Variants in MICU1 observed in about 807,000 individuals in gnomAD.
MICU1 encodes the protein calcium uptake protein 1, mitochondrial.
A neutral mutation model predicts 56.8 loss-of-function variants in MICU1; 45 were observed. The ratio of observed to expected loss-of-function variants is 0.79; its 90% CI spans 0.62 to 1.02. The LOEUF is 1.02. Ranked by LOEUF, MICU1 falls within the 50% of genes least tolerant of loss-of-function variation. The probability of loss-of-function intolerance (pLI) is 0.00; values close to 1 mark genes in which losing one functional copy is unlikely to be tolerated. For missense variants in MICU1, 504 were observed against 587.1 expected (o/e 0.86, Z 1.46); for synonymous variants, 186 against 195.1 (o/e 0.95, Z 0.39).
intron 1 of MICU1, among the ~76,000 whole-genome samples, chr10:72,610,188 G>T (rs910359754): frequency 2.0e-5 from 3 of 149,688 alleles, no homozygotes; most frequent in African/African-American, 7.4e-5. Flanking sequence ...TTGAGTCCAG[G>T]AGTTTGAGGC....
intron 5 of MICU1, among the ~76,000 whole-genome samples, chr10:72,519,682 A>C (rs1867759465): frequency 6.6e-6 from 1 of 152,202 alleles, no homozygotes; most frequent in Admixed American, 6.5e-5. Flanking sequence ...TCAAACAGTA[A>C]ATCCTAACTA....
chr10:72,585,965 T>A lies in MICU1; in HGVS notation c.-1-19171A>T, dbSNP rs181651671. ...TAGTTATTATACATTGTATTTTTAA[T>A]TTGTATAACTTTTCATTGTATTGTT... is the stretch of plus-strand genomic sequence containing the variant. On this transcript the variant is annotated intron_variant, in intron 1 of 11. Transcript: ENST00000361114. Among the ~76,000 whole-genome samples, 806 of 151,658 alleles carry A rather than the reference T, an allele frequency of 5.3e-3. 7 individuals are homozygous for A. The highest frequency in any genetic ancestry group is 0.019 in the African/African-American group (767 of 41,418).
chr10:72,450,772 TG>T (rs1353998013), intron 8 of MICU1, among the ~76,000 whole-genome samples: 5 of 150,310 alleles, frequency 3.3e-5, no homozygotes, highest in Non-Finnish European at 5.9e-5. Flanking sequence ...TCATCCAGGC[TG>T]GAGTGCAATG....
At chr10:72,489,990 T>A (rs554585146) in intron 6 of MICU1, among the ~76,000 whole-genome samples, 1 of 152,336 alleles carries the variant, frequency 6.6e-6, no homozygotes, top group South Asian at 2.1e-4. Flanking sequence ...CAGACAGTTT[T>A]GGAAGTTGAA....
chr10:72,569,624 G>A lies in MICU1; in HGVS notation c.-1-2830C>T, dbSNP rs555974574. Among the ~76,000 whole-genome samples the A allele has an allele frequency of 2.0e-5, 3 of 152,234 alleles. No homozygotes were observed. The South Asian group carries it at 6.2e-4, about 32-fold the overall frequency. On this transcript the variant is annotated intron_variant, in intron 1 of 11. Transcript: ENST00000361114. ...GATAAAGTTGAGACTGGGTTAGTCAGCAAAAGCTTTTGTTTAGTCTTAAGC... is the reference window on the plus strand; with the variant it reads ...GATAAAGTTGAGACTGGGTTAGTCAACAAAAGCTTTTGTTTAGTCTTAAGC...
At chr10:72,599,688 TCTTC>T (rs1333672637) in intron 1 of MICU1, among the ~76,000 whole-genome samples, 1 of 152,144 alleles carries the variant, frequency 6.6e-6, no homozygotes, top group African/African-American at 2.4e-5. Context: ...CTCCCTTCTT[TCTTC>T]CTTCCTTACT....
At chr10:72,399,094 C>T (rs986852177) in intron 10 of MICU1, among the ~76,000 whole-genome samples, 1 of 152,168 alleles carries the variant, frequency 6.6e-6, no homozygotes, top group Non-Finnish European at 1.5e-5. Flanking sequence ...GCTTATCCAC[C>T]ATGATCAAGT....
intron 8 of MICU1, among the ~76,000 whole-genome samples, chr10:72,442,088 A>T (rs1864954911): frequency 6.6e-6 from 1 of 152,212 alleles, no homozygotes; most frequent in South Asian, 2.1e-4. Flanking sequence ...AGTGGGCTCC[A>T]GCATGAAGCA....
chr10:72,607,637 C>CAA (rs368820136), intron 1 of MICU1, among the ~76,000 whole-genome samples: 22 of 59,886 alleles, frequency 3.7e-4, no homozygotes, highest in African/African-American at 7.9e-4. Flanking sequence ...AACTCCATCT[C>CAA]AAAAAAAAAA....
At chr10:72,373,582 T>A (rs967508801) in intron 11 of MICU1, among the ~76,000 whole-genome samples, 1 of 152,212 alleles carries the variant, frequency 6.6e-6, no homozygotes, top group Non-Finnish European at 1.5e-5. Context: ...TCAGAGATGT[T>A]AAATAATTTT....
chr10:72,589,508 CTTTA>C (rs1414307147), intron 1 of MICU1, among the ~76,000 whole-genome samples: 1 of 151,812 alleles, frequency 6.6e-6, no homozygotes. Context: ...TACCAATATG[CTTTA>C]TTTGTTATGG....
At chr10:72,497,473 G>C (rs1328102167) in intron 6 of MICU1, among the ~76,000 whole-genome samples, 3 of 152,202 alleles carry the variant, frequency 2.0e-5, no homozygotes, top group African/African-American at 2.4e-5. Context: ...CAGCTATACA[G>C]ATGGACCAAT....
intron 6 of MICU1, among the ~76,000 whole-genome samples, chr10:72,503,411 G>A (rs909027338): frequency 2.6e-5 from 4 of 152,140 alleles, no homozygotes; most frequent in South Asian, 2.1e-4. Flanking sequence ...GCAATATCTG[G>A]AGACAGTTTT....
intron 8 of MICU1, among the ~76,000 whole-genome samples, chr10:72,443,011 C>T (rs1266446526): frequency 6.6e-6 from 1 of 152,198 alleles, no homozygotes; most frequent in Non-Finnish European, 1.5e-5. Context: ...CCTGCCTCAG[C>T]CTCCCAAAGT....
intron 1 of MICU1, among the ~76,000 whole-genome samples, chr10:72,568,591 AAGCCCAGCTGAGCCAGCTG>A (rs1232140895): frequency 3.3e-5 from 5 of 152,118 alleles, no homozygotes; most frequent in Non-Finnish European, 7.4e-5. Flanking sequence ...AACCACTGTC[AAGCCCAGCTGAGCCAGCTG>A]AGCACAGCTG....
At chr10:72,542,921 A>C (rs960083957) in intron 4 of MICU1, among the ~76,000 whole-genome samples, 9 of 152,236 alleles carry the variant, frequency 5.9e-5, no homozygotes, top group Admixed American at 5.2e-4. Context: ...ATGGGCAGGT[A>C]ATCTTCCTCT....
intron 1 of MICU1, among the ~76,000 whole-genome samples, chr10:72,622,144 C>T (rs913345414): frequency 2.6e-5 from 4 of 151,554 alleles, no homozygotes; most frequent in African/African-American, 9.7e-5. Context: ...AGGATGGTCT[C>T]GATCTCCTGA....
At chr10:72,619,610 C>A (rs1240564091) in intron 1 of MICU1, among the ~76,000 whole-genome samples, 1 of 152,116 alleles carries the variant, frequency 6.6e-6, no homozygotes, top group African/African-American at 2.4e-5. Flanking sequence ...CAATCTAAGA[C>A]AATACATACA....
intron 8 of MICU1, among the ~76,000 whole-genome samples, chr10:72,462,536 G>A (rs754321949): frequency 6.6e-5 from 10 of 152,098 alleles, no homozygotes; most frequent in Non-Finnish European, 1.2e-4. Flanking sequence ...ACATATGCTC[G>A]AGACTGACAG....
Sources: allele counts gnomAD v4.1 joint callset (sites outside exome capture counted in the v4.1 genomes callset), GRCh38; gene constraint gnomAD v4.1.1; transcripts MANE v1.5; gene names NCBI Gene and HGNC (gene_info 2026-07-23, HGNC 2026-07-21).